Variants in DPP10 observed in about 807,000 individuals in gnomAD.
The protein encoded by DPP10 is dipeptidyl peptidase like 10.
Under a neutral mutation model 120.9 loss-of-function variants are expected in DPP10, and 33 were observed. The ratio of observed to expected loss-of-function variants is 0.27; its 90% CI spans 0.21 to 0.37. The LOEUF (loss-of-function observed/expected upper bound fraction) is 0.37. DPP10 is among the 10% of genes least tolerant of loss of function. The pLI, the probability that DPP10 is intolerant of heterozygous loss-of-function variation, is 1.00. For synonymous variants in DPP10, 337 were observed against 326.1 expected (o/e 1.03, Z -0.36); for missense variants, 816 against 942.8 (o/e 0.87, Z 1.76).
intron 3 of DPP10, among the ~76,000 whole-genome samples, chr2:115,473,094 C>T (rs933662727): frequency 6.6e-6 from 1 of 152,174 alleles, no homozygotes; most frequent in Non-Finnish European, 1.5e-5. Flanking sequence ...TGTTCTGGAA[C>T]ATTTCCTAAT....
chr2:115,638,280 G>C (rs1185950639), intron 5 of DPP10, among the ~76,000 whole-genome samples: 2 of 152,096 alleles, frequency 1.3e-5, no homozygotes, highest in East Asian at 3.9e-4. Context: ...GTTGGTAGTG[G>C]GTGATTTTAA....
chr2:115,284,861 C>T (rs2060302014), intron 1 of DPP10, among the ~76,000 whole-genome samples: 1 of 151,890 alleles, frequency 6.6e-6, no homozygotes. Context: ...TTCTTCTTTC[C>T]CTTAGAACTT....
chr2:114,709,038 G>A (rs1245057587), intron 1 of DPP10, among the ~76,000 whole-genome samples: 1 of 152,194 alleles, frequency 6.6e-6, no homozygotes. Context: ...TTTCAGGCTT[G>A]AGCCACAGCG....
chr2:115,656,239 T>A (rs532248428), intron 5 of DPP10, among the ~76,000 whole-genome samples: 29 of 151,566 alleles, frequency 1.9e-4, no homozygotes, highest in Non-Finnish European at 4.1e-4. Flanking sequence ...AAATTGTATA[T>A]ATTTAATATG....
intron 1 of DPP10, chr2:115,161,884 G>C: frequency 7.3e-7 from 1 of 1,373,586 alleles, no homozygotes; most frequent in Non-Finnish European, 9.4e-7. Flanking sequence ...CGTGACCTGC[G>C]AACGCTGCCA....
chr2:114,845,933 G>A (rs1688514775), intron 1 of DPP10, among the ~76,000 whole-genome samples: 1 of 152,058 alleles, frequency 6.6e-6, no homozygotes, highest in African/African-American at 2.4e-5. Context: ...GGAGCTTGGG[G>A]AGTTATGTGC....
At chr2:114,713,423 A>T (rs563726319) in intron 1 of DPP10, among the ~76,000 whole-genome samples, 18 of 152,196 alleles carry the variant, frequency 1.2e-4, no homozygotes, top group Non-Finnish European at 2.4e-4. Flanking sequence ...AAAGAATACA[A>T]CTAAGTCAAT....
At chr2:114,570,720 C>G (rs1348004049) in intron 1 of DPP10, among the ~76,000 whole-genome samples, 1 of 150,732 alleles carries the variant, frequency 6.6e-6, no homozygotes, top group Non-Finnish European at 1.5e-5. Context: ...GTAGTCCCAG[C>G]TACTCAGAAG....
intron 1 of DPP10, among the ~76,000 whole-genome samples, chr2:115,254,893 C>A (rs184147430): frequency 6.6e-6 from 1 of 152,188 alleles, no homozygotes; most frequent in Admixed American, 6.5e-5. Context: ...TACAGGTGCT[C>A]TTCCGGCTGC....
chr2:114,972,764 C>G (rs1699480636), intron 1 of DPP10, among the ~76,000 whole-genome samples: 1 of 152,186 alleles, frequency 6.6e-6, no homozygotes, highest in Non-Finnish European at 1.5e-5. Context: ...ATTGGATTGT[C>G]TAAGTCACAT....
intron 1 of DPP10, among the ~76,000 whole-genome samples, chr2:114,645,255 A>G (rs1696030210): frequency 6.6e-6 from 1 of 152,118 alleles, no homozygotes; most frequent in Non-Finnish European, 1.5e-5. Context: ...TCTATATAGT[A>G]TATTTCTATT....
intron 1 of DPP10, among the ~76,000 whole-genome samples, chr2:114,584,210 A>G (rs1268855380): frequency 1.3e-5 from 2 of 152,142 alleles, no homozygotes; most frequent in Non-Finnish European, 2.9e-5. Flanking sequence ...AAAGAAGTAT[A>G]GTATATGTGT....
At chr2:115,667,235 A>G (rs2089524706) in intron 5 of DPP10, among the ~76,000 whole-genome samples, 1 of 152,060 alleles carries the variant, frequency 6.6e-6, no homozygotes, top group Non-Finnish European at 1.5e-5. Flanking sequence ...TAAGTTCCTT[A>G]TAGATTCTGG....
At chr2:115,052,530 T>C (rs1342557061) in intron 1 of DPP10, among the ~76,000 whole-genome samples, 1 of 152,152 alleles carries the variant, frequency 6.6e-6, no homozygotes, top group Admixed American at 6.5e-5. Context: ...GGATAAGCGT[T>C]TCTCCAAAGA....
chr2:115,255,401 G>C (rs1433753954), intron 1 of DPP10, among the ~76,000 whole-genome samples: 13 of 152,168 alleles, frequency 8.5e-5, no homozygotes, highest in African/African-American at 3.1e-4. Context: ...GTGCCTCTTG[G>C]CCTGTGATAG....
chr2:115,218,697 G>T (rs919987766), intron 1 of DPP10, among the ~76,000 whole-genome samples: 1 of 152,060 alleles, frequency 6.6e-6, no homozygotes, highest in Non-Finnish European at 1.5e-5. Context: ...ATAGAGTAGT[G>T]TATACTGGAA....
intron 1 of DPP10, among the ~76,000 whole-genome samples, chr2:114,997,934 T>C (rs542524153): frequency 1.3e-5 from 2 of 152,182 alleles, no homozygotes; most frequent in Non-Finnish European, 2.9e-5. Context: ...TTAATACACA[T>C]AGTTTGAGGG....
At chr2:114,604,459 G>A (rs1692628013) in intron 1 of DPP10, among the ~76,000 whole-genome samples, 1 of 152,076 alleles carries the variant, frequency 6.6e-6, no homozygotes, top group African/African-American at 2.4e-5. Flanking sequence ...AACAGATGGA[G>A]TTTTGCCCTG....
At chr2:115,291,636 A>G (rs1168700023) in intron 1 of DPP10, among the ~76,000 whole-genome samples, 2 of 152,066 alleles carry the variant, frequency 1.3e-5, no homozygotes, top group Non-Finnish European at 2.9e-5. Context: ...TGAATGATGG[A>G]TGTGTTGATG....
Sources: allele counts gnomAD v4.1 joint callset (sites outside exome capture counted in the v4.1 genomes callset), GRCh38; gene constraint gnomAD v4.1.1; transcripts MANE v1.5; gene names NCBI Gene and HGNC (gene_info 2026-07-23, HGNC 2026-07-21).